Variants in DPP6 observed in about 807,000 individuals in gnomAD.
DPP6 encodes the protein A-type potassium channel modulatory protein DPP6.
Under a neutral mutation model 122.6 loss-of-function variants are expected in DPP6, and 69 were observed. The ratio of observed to expected loss-of-function variants is 0.56; its 90% CI spans 0.46 to 0.69. The LOEUF is 0.69. DPP6 is among the 30% of genes least tolerant of loss of function. The pLI, the probability that DPP6 is intolerant of heterozygous loss-of-function variation, is 0.00. For missense variants in DPP6, 928 were observed against 1,116.9 expected (o/e 0.83, Z 2.41); for synonymous variants, 418 against 433.1 (o/e 0.97, Z 0.43).
chr7:154,534,620 A>G (rs957483671), intron 3 of DPP6, among the ~76,000 whole-genome samples: 5 of 152,190 alleles, frequency 3.3e-5, no homozygotes, highest in African/African-American at 9.6e-5. Context: ...ACCATTTACA[A>G]TGAAAAAATA....
intron 1 of DPP6, among the ~76,000 whole-genome samples, chr7:154,271,361 A>G (rs1803778553): frequency 1.3e-5 from 2 of 152,136 alleles, no homozygotes; most frequent in Admixed American, 6.5e-5. Flanking sequence ...TATTGTTGCA[A>G]AGAGGAAGAG....
intron 1 of DPP6, among the ~76,000 whole-genome samples, chr7:154,262,488 G>A (rs1803092992): frequency 6.6e-6 from 1 of 151,768 alleles, no homozygotes; most frequent in African/African-American, 2.4e-5. Flanking sequence ...GCAAGCCAGG[G>A]AGAGAGGCCT....
chr7:154,075,428 T>C (rs1382614955), intron 1 of DPP6, among the ~76,000 whole-genome samples: 1 of 150,804 alleles, frequency 6.6e-6, no homozygotes, highest in Non-Finnish European at 1.5e-5. Context: ...AACCAAGGAG[T>C]AGAGAAAGAA....
intron 1 of DPP6, among the ~76,000 whole-genome samples, chr7:154,060,950 G>A (rs1484177080): frequency 5.4e-5 from 8 of 147,982 alleles, no homozygotes; most frequent in East Asian, 1.9e-4. Flanking sequence ...GACCCCCATC[G>A]TTGATGTTAA....
chr7:154,554,204 T>C (rs1481950329), intron 4 of DPP6, among the ~76,000 whole-genome samples: 1 of 143,888 alleles, frequency 6.9e-6, no homozygotes, highest in Non-Finnish European at 1.6e-5. Flanking sequence ...CCAAGGGTTC[T>C]GTCTTTCTCA....
chr7:154,464,892 A>G (rs541336377), intron 2 of DPP6, among the ~76,000 whole-genome samples: 1 of 152,340 alleles, frequency 6.6e-6, no homozygotes, highest in Admixed American at 6.5e-5. Context: ...GATGCCTGAA[A>G]CCATGGATAG....
chr7:154,183,795 A>G (rs1798216514), intron 1 of DPP6, among the ~76,000 whole-genome samples: 1 of 152,234 alleles, frequency 6.6e-6, no homozygotes, highest in African/African-American at 2.4e-5. Context: ...CCCTAGAGCC[A>G]GGACTCCAAA....
At chr7:154,492,321 T>G (rs1379571021) in intron 3 of DPP6, among the ~76,000 whole-genome samples, 1 of 152,134 alleles carries the variant, frequency 6.6e-6, no homozygotes, top group Non-Finnish European at 1.5e-5. Context: ...GGCAACTCAG[T>G]GCAAACATCA....
intron 3 of DPP6, among the ~76,000 whole-genome samples, chr7:154,488,637 CATG>C (rs1252852155): frequency 6.6e-6 from 1 of 151,872 alleles, no homozygotes; most frequent in Non-Finnish European, 1.5e-5. Context: ...ATGTGCCAGA[CATG>C]ATGCTAAGTT....
chr7:154,051,318 C>T (rs1800297646), upstream of DPP6, among the ~76,000 whole-genome samples: 2 of 126,376 alleles, frequency 1.6e-5, no homozygotes, highest in Non-Finnish European at 3.4e-5. Flanking sequence ...GTGATAGGTC[C>T]TTCCCGGCCG....
At chr7:153,826,596 T>A in the DPP6 span, among the ~76,000 whole-genome samples, 1 of 152,154 alleles carries the variant, frequency 6.6e-6, no homozygotes, top group Non-Finnish European at 1.5e-5. Flanking sequence ...TCTGCTAATA[T>A]CCCCCACCTG....
At chr7:154,244,781 A>G (rs1801865247) in intron 1 of DPP6, among the ~76,000 whole-genome samples, 1 of 152,178 alleles carries the variant, frequency 6.6e-6, no homozygotes, top group South Asian at 2.1e-4. Flanking sequence ...AATTAGAACA[A>G]GAGGAATAGA....
At chr7:154,736,727 A>G (rs1020304762) in intron 8 of DPP6, among the ~76,000 whole-genome samples, 2 of 152,368 alleles carry the variant, frequency 1.3e-5, no homozygotes, top group Non-Finnish European at 2.9e-5. Flanking sequence ...GAAGTCAAGA[A>G]CTGTATTTTA....
intron 1 of DPP6, among the ~76,000 whole-genome samples, chr7:154,149,054 T>C (rs1183229236): frequency 6.6e-6 from 1 of 152,216 alleles, no homozygotes; most frequent in Non-Finnish European, 1.5e-5. Flanking sequence ...AGACCTATGC[T>C]GGGCAGAAAC....
At chr7:154,033,586 C>T (rs951745395) in intron 1 of DPP6, among the ~76,000 whole-genome samples, 5 of 152,240 alleles carry the variant, frequency 3.3e-5, no homozygotes, top group South Asian at 2.1e-4. Context: ...TTTACATCCT[C>T]CTCATGAAGA....
the DPP6 span, among the ~76,000 whole-genome samples, chr7:153,881,184 G>A: frequency 7.9e-5 from 12 of 152,314 alleles, no homozygotes; most frequent in Non-Finnish European, 1.3e-4. Context: ...GAAAGTAGGA[G>A]GACTCAAAGA....
At chr7:154,825,425 A>T (rs533125996) in intron 16 of DPP6, among the ~76,000 whole-genome samples, 1 of 152,346 alleles carries the variant, frequency 6.6e-6, no homozygotes, top group African/African-American at 2.4e-5. Flanking sequence ...CAGCACGCAT[A>T]AATTGTCTTC....
At chr7:154,412,631 T>A (rs746757063) in intron 1 of DPP6, among the ~76,000 whole-genome samples, 14 of 152,210 alleles carry the variant, frequency 9.2e-5, no homozygotes, top group Non-Finnish European at 1.9e-4. Flanking sequence ...GAAATGGAAA[T>A]GCTTTACTTT....
chr7:154,236,929 C>T (rs535506678), intron 1 of DPP6, among the ~76,000 whole-genome samples: 2 of 152,164 alleles, frequency 1.3e-5, no homozygotes, highest in Admixed American at 1.3e-4. Flanking sequence ...TGCACAACCT[C>T]CCTCCACACA....
Sources: gnomAD v4.1 joint callset for allele counts (sites outside exome capture counted in the v4.1 genomes callset) on GRCh38, gnomAD v4.1.1 for gene constraint, MANE v1.5 for transcripts, NCBI Gene and HGNC (gene_info 2026-07-23, HGNC 2026-07-21) for gene names.